EXOC6: variants seen among roughly 807,000 people sequenced by gnomAD.
EXOC6 encodes SEC15-like 1.
In EXOC6, 60 loss-of-function variants were observed where a neutral mutation model predicts 112.5. That is an observed-to-expected ratio of 0.53 (90% CI 0.43 to 0.66). EXOC6 has a LOEUF of 0.66. Among genes scored for constraint, EXOC6 ranks in the 30% least tolerant of loss-of-function variants. The probability of loss-of-function intolerance (pLI) is 0.00; values close to 1 mark genes in which losing one functional copy is unlikely to be tolerated. For synonymous variants in EXOC6, 295 were observed against 308.0 expected (o/e 0.96, Z 0.44); for missense variants, 855 against 957.1 (o/e 0.89, Z 1.41).
chr10:93,023,174 T>G (rs888776157), intron 20 of EXOC6, among the ~76,000 whole-genome samples: 3 of 152,120 alleles, frequency 2.0e-5, no homozygotes, highest in Non-Finnish European at 4.4e-5. Context: ...GATTAGGAAG[T>G]AGGTCCAGTG....
chr10:93,058,497 G>T lies in EXOC6; in HGVS notation c.*142G>T. On this transcript the variant is annotated 3_prime_UTR_variant, in exon 22 of 22. Transcript: ENST00000260762. Reference sequence around the variant, plus strand: ...TACATGAGGGCTTAAACAAGAAATAGTAATAAATATCATTTGTATGGATTT... The same window carrying T: ...TACATGAGGGCTTAAACAAGAAATATTAATAAATATCATTTGTATGGATTT... 1 of 504,598 alleles carries T rather than the reference G, an allele frequency of 2.0e-6. No homozygotes were observed. 31.3% of individuals were successfully genotyped at this position (504,598 alleles called of 1,614,324 possible).
intron 17 of EXOC6, among the ~76,000 whole-genome samples, chr10:92,959,518 A>G (rs954250953): frequency 2.0e-5 from 3 of 152,222 alleles, no homozygotes; most frequent in African/African-American, 7.2e-5. Flanking sequence ...ACTGAACTTC[A>G]TTAAAATTTT....
intron 18 of EXOC6, among the ~76,000 whole-genome samples, chr10:92,976,840 TA>T (rs200608995): frequency 6.6e-6 from 1 of 150,586 alleles, no homozygotes. Flanking sequence ...GATGAAACAT[TA>T]AAAAAAAAGA....
chr10:92,873,386 A>G (rs1424399977), intron 1 of EXOC6, among the ~76,000 whole-genome samples: 1 of 152,236 alleles, frequency 6.6e-6, no homozygotes, highest in East Asian at 1.9e-4. Flanking sequence ...ACACGACACT[A>G]GACTTTTTTC....
intron 12 of EXOC6, among the ~76,000 whole-genome samples, chr10:92,938,523 A>C (rs1852480930): frequency 6.6e-6 from 1 of 152,172 alleles, no homozygotes; most frequent in South Asian, 2.1e-4. Flanking sequence ...GCTTTTTAAA[A>C]TGCTAGTATT....
chr10:92,895,529 A>G (rs1849701858), intron 4 of EXOC6, among the ~76,000 whole-genome samples: 1 of 152,114 alleles, frequency 6.6e-6, no homozygotes, highest in Non-Finnish European at 1.5e-5. Flanking sequence ...TGTATTTTGG[A>G]AACGCTGTTT....
intron 1 of EXOC6, among the ~76,000 whole-genome samples, chr10:92,888,546 G>A (rs142482708): frequency 5.3e-4 from 80 of 152,142 alleles, no homozygotes; most frequent in African/African-American, 1.7e-3. Flanking sequence ...TCCCTTGAAG[G>A]GACTCTGTAT....
At chr10:92,969,173 A>G (rs913311152) in intron 17 of EXOC6, among the ~76,000 whole-genome samples, 2 of 152,094 alleles carry the variant, frequency 1.3e-5, no homozygotes, top group Non-Finnish European at 1.5e-5. Context: ...TGGAGCACAC[A>G]TGCTTGGAGC....
At chr10:93,005,764 A>G (rs1843948165) in intron 19 of EXOC6, among the ~76,000 whole-genome samples, 1 of 152,254 alleles carries the variant, frequency 6.6e-6, no homozygotes. Context: ...GCATTAGAAT[A>G]GCTCCAGATT....
chr10:92,967,002 C>T (rs919301472), intron 17 of EXOC6, among the ~76,000 whole-genome samples: 3 of 145,318 alleles, frequency 2.1e-5, no homozygotes, highest in African/African-American at 7.8e-5. Flanking sequence ...GAGATGGTAT[C>T]TCATTGTGGT....
intron 1 of EXOC6, among the ~76,000 whole-genome samples, chr10:92,879,474 G>A (rs542703087): frequency 1.6e-3 from 250 of 151,564 alleles, no homozygotes; most frequent in Admixed American, 2.7e-3. Flanking sequence ...CTCTAAAAGA[G>A]AAAAAAAAGC....
At chr10:92,877,083 CT>C (rs1456121477) in intron 1 of EXOC6, among the ~76,000 whole-genome samples, 1 of 152,078 alleles carries the variant, frequency 6.6e-6, no homozygotes, top group Non-Finnish European at 1.5e-5. Flanking sequence ...GAAACTTACC[CT>C]TTGTGGTTTG....
intron 17 of EXOC6, among the ~76,000 whole-genome samples, chr10:92,966,287 T>TA (rs1564869633): frequency 3.3e-4 from 24 of 72,012 alleles, no homozygotes; most frequent in African/African-American, 1.3e-3. Context: ...TTATAATTAT[T>TA]ATTATTATTA....
At chr10:92,887,532 T>A (rs1370876958) in intron 1 of EXOC6, among the ~76,000 whole-genome samples, 2 of 151,480 alleles carry the variant, frequency 1.3e-5, no homozygotes, top group Admixed American at 1.3e-4. Context: ...CCCAAGTAGC[T>A]GGGATTACAG....
chr10:92,898,097 C>T (rs188091854), intron 4 of EXOC6, among the ~76,000 whole-genome samples: 22 of 151,972 alleles, frequency 1.4e-4, no homozygotes, highest in African/African-American at 4.6e-4. Flanking sequence ...CTAACTCCTC[C>T]GTGGATTAGG....
intron 18 of EXOC6, among the ~76,000 whole-genome samples, chr10:92,995,132 T>C (rs1338509606): frequency 1.3e-5 from 2 of 152,108 alleles, no homozygotes; most frequent in Admixed American, 1.3e-4. Context: ...GGATTTAGTA[T>C]GCCTAATCAA....
At chr10:93,013,412 C>T (rs1937268362) in intron 19 of EXOC6, among the ~76,000 whole-genome samples, 1 of 151,940 alleles carries the variant, frequency 6.6e-6, no homozygotes, top group Admixed American at 6.6e-5. Context: ...TCAAGACCAG[C>T]CTGGGCAACA....
intron 19 of EXOC6, among the ~76,000 whole-genome samples, chr10:93,010,265 A>G (rs896636787): frequency 6.6e-6 from 1 of 152,188 alleles, no homozygotes; most frequent in Non-Finnish European, 1.5e-5. Context: ...TTCCATATTG[A>G]TTAGATTCTT....
In EXOC6 at chr10:92,940,682, T is replaced by A. The variant is rs1008767051; in HGVS notation, c.1213-45T>A. The A allele has an allele frequency of 3.8e-6, 5 of 1,305,090 alleles. No homozygotes were observed. The African/African-American group carries it at 6.0e-5, about 16-fold the overall frequency. 80.8% of individuals were successfully genotyped at this position (1,305,090 alleles called of 1,614,324 possible). On this transcript the variant is annotated intron_variant, in intron 12 of 21. Coordinates refer to ENST00000260762, the MANE Select transcript of EXOC6 (RefSeq NM_019053.6). ...TATTCCCAACATTTTTAATGAATATTTTTGTACACTTGTTTATCTGCTTTT... is the reference window on the plus strand; with the variant it reads ...TATTCCCAACATTTTTAATGAATATATTTGTACACTTGTTTATCTGCTTTT...
Sources: gnomAD v4.1 joint callset for allele counts (sites outside exome capture counted in the v4.1 genomes callset) on GRCh38, gnomAD v4.1.1 for gene constraint, MANE v1.5 for transcripts, NCBI Gene and HGNC (gene_info 2026-07-23, HGNC 2026-07-21) for gene names.